FAM210B: variants seen among roughly 807,000 people sequenced by gnomAD.
FAM210B encodes mitochondrial inner membrane scaffold 2.
A neutral mutation model predicts 14.9 loss-of-function variants in FAM210B; 11 were observed. The ratio of observed to expected loss-of-function variants is 0.74; its 90% confidence interval spans 0.46 to 1.22. FAM210B has a LOEUF of 1.22. Ranked by LOEUF, FAM210B falls within the 50% of genes most tolerant of loss-of-function variation. The pLI is 0.00. For synonymous variants in FAM210B, 113 were observed against 110.2 expected (o/e 1.03, Z -0.16); for missense variants, 229 against 250.1 (o/e 0.92, Z 0.57).
At chr20:56,364,763 G>A (rs1385008947) in intron 1 of FAM210B, among the ~76,000 whole-genome samples, 1 of 152,106 alleles carries the variant, frequency 6.6e-6, no homozygotes, top group South Asian at 2.1e-4. Context: ...GACCAACCTG[G>A]CTAACACAGT....
intron 1 of FAM210B, among the ~76,000 whole-genome samples, chr20:56,361,026 T>A (rs1305384486): frequency 7.2e-5 from 11 of 152,218 alleles, no homozygotes; most frequent in Admixed American, 7.2e-4. Context: ...AGGGGGTCTC[T>A]GTAAGAGGGG....
rs1983705525 is a variant in FAM210B at position 56,368,637 on chromosome 20, A to AATAAT, written c.*2354_*2355insTATAA. On this transcript the variant is annotated 3_prime_UTR_variant, in exon 3 of 3. Transcript: ENST00000371384. ...TACATTGTTTTTATGGAACTAGCAGAATAAAACATCTATTTTAAAAATGAA... is the reference window on the plus strand; with the variant it reads ...TACATTGTTTTTATGGAACTAGCAGAATAATATAAAACATCTATTTTAAAAATGAA... 1 of 152,244 alleles carries AATAAT rather than the reference A, an allele frequency of 6.6e-6. No homozygotes were observed. The highest frequency in any genetic ancestry group is 1.5e-5 in the Non-Finnish European group (1 of 68,038). The allele number at this position is 152,244 out of a possible 1,614,324, so 9.4% of individuals were successfully genotyped here. A position where few individuals can be genotyped will look rare whatever the true frequency, so the allele number is the denominator to read the frequency against.
rs530560365 is a variant in FAM210B at position 56,365,158 on chromosome 20, A to G, written c.258A>G (p.Ser86=). The G allele has an allele frequency of 1.9e-6, 3 of 1,614,116 alleles. No homozygotes were observed. The highest frequency in any genetic ancestry group is 2.5e-6 in the Non-Finnish European group (3 of 1,180,056). Reference sequence around the variant, plus strand: ...CAGAGGAGAAAAAGCAAAGCAAGTCACAGCAACTGAAAAAGATTTTTCAAG... The same window carrying G: ...CAGAGGAGAAAAAGCAAAGCAAGTCGCAGCAACTGAAAAAGATTTTTCAAG... ...SCTEEKKQSK[S]QQLKKIFQEY... The change falls in exon 2 of 3, where the codon TCA becomes TCG. Residue 86 remains serine, a synonymous_variant. Coordinates refer to ENST00000371384, the MANE Select transcript of FAM210B (RefSeq NM_080821.3).
Position 56,359,216 on chromosome 20 carries a change from T to TC in FAM210B, c.186+28dup. ...GGTAAGCACCCCACCCCGACCCTGA[T>TC]CCCGGGCGGTGTCCAGGTCCCCAGA... On this transcript the variant is annotated intron_variant, in intron 1 of 2. Coordinates refer to ENST00000371384, the MANE Select transcript of FAM210B (RefSeq NM_080821.3). This position sits in a 1 kb window ranked among gnomAD's most constrained non-coding sequence, Gnocchi z 4.3. The TC allele has an allele frequency of 8.2e-7, 1 of 1,223,774 alleles. No homozygotes were observed. Among genetic ancestry groups the TC allele is most frequent in the Non-Finnish European group, 1.0e-6 (1 of 983,684 alleles). The allele number at this position is 1,223,774 out of a possible 1,614,324, so 75.8% of individuals were successfully genotyped here.
Position 56,359,025 on chromosome 20 carries a change from T to C in FAM210B, c.20T>C (p.Leu7Ser). 1 of 1,341,826 alleles carries C rather than the reference T, an allele frequency of 7.5e-7. No homozygotes were observed. Among genetic ancestry groups the C allele is most frequent in the South Asian group, 1.6e-5 (1 of 60,896 alleles). 83.1% of individuals were successfully genotyped at this position (1,341,826 alleles called of 1,614,324 possible). The change falls in exon 1 of 3, where the codon TTG becomes TCG. Residue 7 changes from leucine (L) to serine (S), a missense_variant. Coordinates refer to ENST00000371384, the MANE Select transcript of FAM210B (RefSeq NM_080821.3). This position sits in a 1 kb window ranked among gnomAD's most constrained non-coding sequence, Gnocchi z 4.3. ...CGCACCATGGCCGGGTTGCTGGCGTTGCTGGGTCCGGCAGGCAGGGTGGGC... is the reference window on the plus strand; with the variant it reads ...CGCACCATGGCCGGGTTGCTGGCGTCGCTGGGTCCGGCAGGCAGGGTGGGC... MAGLLALLGPAGRVGAR... is the reference protein window; with the variant it reads MAGLLASLGPAGRVGAR...
chr20:56,360,706 C>A, intron 1 of FAM210B: 1 of 156,074 alleles, frequency 6.4e-6, no homozygotes, highest in Admixed American at 6.2e-5. Flanking sequence ...AGTCACAAGG[C>A]CCCAGGGCCC....
chr20:56,361,341 C>T (rs1983528424), intron 1 of FAM210B, among the ~76,000 whole-genome samples: 3 of 152,140 alleles, frequency 2.0e-5, no homozygotes, highest in Admixed American at 2.0e-4. Context: ...TGGTATTTTA[C>T]TCTTCTGTTT....
At chr20:56,361,121 T>C (rs1246556936) in intron 1 of FAM210B, among the ~76,000 whole-genome samples, 1 of 152,214 alleles carries the variant, frequency 6.6e-6, no homozygotes, top group Non-Finnish European at 1.5e-5. Flanking sequence ...CGCCTGCCTG[T>C]GCCACTTATT....
chr20:56,367,303 A>G lies in FAM210B; in HGVS notation c.*1016A>G, dbSNP rs1182610534. 2.6e-5 allele frequency: 4 copies of G among 152,252 alleles called. No homozygotes were observed. The highest frequency in any genetic ancestry group is 7.2e-5 in the African/African-American group (3 of 41,476). 9.4% of individuals were successfully genotyped at this position (152,252 alleles called of 1,614,324 possible). On this transcript the variant is annotated 3_prime_UTR_variant, in exon 3 of 3. Coordinates refer to ENST00000371384, the MANE Select transcript of FAM210B (RefSeq NM_080821.3). ...TAGTCTGCTGAGCCAGCTTTACCCA[A>G]TGAAGGGCATATGTGTTAGAGAGAT...
At chr20:56,365,329 C>T (rs1490459973) in intron 2 of FAM210B, 67 bp downstream of exon 2, 18 of 1,536,026 alleles carry the variant, frequency 1.2e-5, no homozygotes, top group South Asian at 4.9e-5. Flanking sequence ...TGAATAAGAA[C>T]GTGTTTGCTA....
rs1268552645 is a variant in FAM210B, at chr20:56,366,535, G to A, written c.*248G>A. On this transcript the variant is annotated 3_prime_UTR_variant, in exon 3 of 3. Transcript: ENST00000371384. ...TAATCTAAAATGTCAGCAAGGCATC[G>A]GAGATGGGTTAACATCTCAAAACAA... 1.6e-5 allele frequency: 7 copies of A among 435,502 alleles called. No homozygotes were observed. The highest frequency in any genetic ancestry group is 4.4e-5 in the East Asian group (1 of 22,764). The allele number at this position is 435,502 out of a possible 1,614,324, so 27.0% of individuals were successfully genotyped here.
Position 56,366,582 on chromosome 20 carries a change from G to A in FAM210B, c.*295G>A. 3.5e-6 allele frequency: 1 copy of A among 289,432 alleles called. No individual in the cohort carries two copies. The highest frequency in any genetic ancestry group is 4.7e-5 in the South Asian group (1 of 21,228). The allele number at this position is 289,432 out of a possible 1,614,324, so 17.9% of individuals were successfully genotyped here. On this transcript the variant is annotated 3_prime_UTR_variant, in exon 3 of 3. Transcript: ENST00000371384. ...ACAAAATAGCCTACAAATGTTCCTTGTGGGAGACTTTGGCGAGGGTCTGTG... is the reference window on the plus strand; with the variant it reads ...ACAAAATAGCCTACAAATGTTCCTTATGGGAGACTTTGGCGAGGGTCTGTG...
chr20:56,359,339 C>A lies in FAM210B; in HGVS notation c.186+148C>A. The A allele has an allele frequency of 1.2e-6, 1 of 804,826 alleles. No homozygotes were observed. The highest frequency in any genetic ancestry group is 1.6e-6 in the Non-Finnish European group (1 of 607,632). The allele number at this position is 804,826 out of a possible 1,614,324, so 49.9% of individuals were successfully genotyped here. A position where few individuals can be genotyped will look rare whatever the true frequency, so the allele number is the denominator to read the frequency against. The stretch of plus-strand genomic sequence containing the variant: ...GAGCTCTTCCAGGGTCCCCGAAACC[C>A]CAAATCCCTGCAAGCCAAGGAAGCG... On this transcript the variant is annotated intron_variant, in intron 1 of 2. Coordinates refer to ENST00000371384, the MANE Select transcript of FAM210B (RefSeq NM_080821.3). This position sits in a 1 kb window ranked among gnomAD's most constrained non-coding sequence, Gnocchi z 4.3.
intron 1 of FAM210B, chr20:56,360,469 A>G (rs1418133488): frequency 8.0e-6 from 2 of 250,954 alleles, no homozygotes; most frequent in East Asian, 2.0e-4. Context: ...GTGTGTATAC[A>G]GTGGCAAAGA....
intron 1 of FAM210B, chr20:56,360,782 C>T (rs2146107005): frequency 6.4e-6 from 1 of 155,100 alleles, no homozygotes; most frequent in African/African-American, 2.4e-5. Flanking sequence ...GGATCAGAAC[C>T]TCAAAGGAGA....
In FAM210B at chr20:56,362,851, G is replaced by A. The variant is rs536551405; in HGVS notation, c.187-2236G>A. Among the ~76,000 whole-genome samples the A allele has an allele frequency of 1.3e-5, 2 of 152,354 alleles. No individual in the cohort carries two copies. Among genetic ancestry groups the A allele is most frequent in the East Asian group, 1.9e-4 (1 of 5,190 alleles). ...GGCCCTCGCAGAGACAGCTGCAGTC[G>A]GTCCAGTGATTGGACAGAATGGGGC... On this transcript the variant is annotated intron_variant, in intron 1 of 2. Transcript: ENST00000371384. The surrounding 1 kb of genome is among the most constrained non-coding windows in gnomAD (Gnocchi z 4.8).
rs1491461011 is a variant in FAM210B at position 56,362,349 on chromosome 20, ACT to A, written c.187-2734_187-2733del. On this transcript the variant is annotated intron_variant, in intron 1 of 2. Coordinates refer to ENST00000371384, the MANE Select transcript of FAM210B (RefSeq NM_080821.3). This position sits in a 1 kb window ranked among gnomAD's most constrained non-coding sequence, Gnocchi z 4.8. ...CTCACACACACACTGTCTCACACAC[ACT>A]CTCACACACATGTGCATGCATGCTG... 5.3e-5 allele frequency among the ~76,000 whole-genome samples: 8 copies of A among 150,904 alleles called. No individual in the cohort carries two copies. Among genetic ancestry groups the A allele is most frequent in the East Asian group, 2.0e-4 (1 of 5,124 alleles).
intron 2 of FAM210B, among the ~76,000 whole-genome samples, chr20:56,365,486 C>T (rs1227343057): frequency 3.3e-5 from 5 of 151,728 alleles, no homozygotes; most frequent in South Asian, 2.1e-4. Context: ...CAGGCATGCA[C>T]CACTGCACCC....
At chr20:56,364,085 A>T (rs1319698076) in intron 1 of FAM210B, among the ~76,000 whole-genome samples, 2 of 152,220 alleles carry the variant, frequency 1.3e-5, no homozygotes, top group Non-Finnish European at 1.5e-5. Context: ...TGCTTGATAA[A>T]GGATCATTGT....
Sources: allele counts gnomAD v4.1 joint callset (sites outside exome capture counted in the v4.1 genomes callset), GRCh38; gene constraint gnomAD v4.1.1; non-coding constraint Gnocchi (gnomAD v3.1); transcripts MANE v1.5; gene names NCBI Gene and HGNC (gene_info 2026-07-23, HGNC 2026-07-21).